SYT13: variants seen among roughly 807,000 people sequenced by gnomAD.
SYT13 encodes the protein synaptotagmin-13.
A neutral mutation model predicts 38.6 loss-of-function variants in SYT13; 21 were observed. The ratio of observed to expected loss-of-function variants is 0.54; its 90% CI spans 0.39 to 0.78. The LOEUF is 0.78. Among genes scored for constraint, SYT13 ranks in the 30% least tolerant of loss-of-function variants. The pLI, the probability that SYT13 is intolerant of heterozygous loss-of-function variation, is 0.00. For synonymous variants in SYT13, 241 were observed against 237.6 expected, an observed-to-expected ratio of 1.01 and a Z score of -0.13; for missense variants, 495 against 548.7, an observed-to-expected ratio of 0.90 and a Z score of 0.98.
chr11:45,265,496 G>A (rs1449593405), intron 1 of SYT13, among the ~76,000 whole-genome samples: 4 of 152,146 alleles, frequency 2.6e-5, no homozygotes, highest in East Asian at 1.9e-4. Context: ...GGGTAGCTTC[G>A]ACAACAAATG....
intron 1 of SYT13, 178 bp downstream of exon 1, chr11:45,285,847 T>TC: frequency 4.1e-6 from 1 of 246,168 alleles, no homozygotes. Flanking sequence ...TCCCCTAGCC[T>TC]CCCCCATCCC....
At chr11:45,257,495 T>C (rs1159169782) in intron 1 of SYT13, among the ~76,000 whole-genome samples, 1 of 152,176 alleles carries the variant, frequency 6.6e-6, no homozygotes, top group Admixed American at 6.5e-5. Flanking sequence ...TGGGTGCAGA[T>C]GGCTGGCAGC....
intron 2 of SYT13, 70 bp downstream of exon 2, chr11:45,255,596 A>T: frequency 6.8e-7 from 1 of 1,464,942 alleles, no homozygotes; most frequent in South Asian, 1.2e-5. Flanking sequence ...CACACACAGC[A>T]TCTACAGAGA....
Position 45,240,591 on chromosome 11 carries a change from T to C in SYT13, c.*3461A>G, listed in dbSNP as rs1230638252. The C allele has an allele frequency of 6.6e-6, 1 of 152,206 alleles. No individual in the cohort carries two copies. The highest frequency in any genetic ancestry group is 1.5e-5 in the Non-Finnish European group (1 of 68,038). 9.4% of individuals were successfully genotyped at this position (152,206 alleles called of 1,614,324 possible). A position where few individuals can be genotyped will look rare whatever the true frequency, so the allele number is the denominator to read the frequency against. On this transcript the variant is annotated 3_prime_UTR_variant, in exon 6 of 6. Transcript: ENST00000020926. ...TGTGCCCAGCTTTGTTTGGAGTGAT[T>C]TGTCATTCAACCCACACAAAAAGTT...
chr11:45,244,657 G>A (rs954109925), intron 5 of SYT13, among the ~76,000 whole-genome samples: 3 of 152,028 alleles, frequency 2.0e-5, no homozygotes, highest in African/African-American at 7.3e-5. Context: ...CCTTGCATTG[G>A]GGATTATTCT....
intron 1 of SYT13, among the ~76,000 whole-genome samples, chr11:45,256,123 G>A (rs943791795): frequency 3.3e-5 from 5 of 151,920 alleles, no homozygotes; most frequent in African/African-American, 4.8e-5. Flanking sequence ...TCCATCCATC[G>A]GCCCATCCAT....
intron 5 of SYT13, 114 bp from the exon 6 acceptor site, chr11:45,244,470 G>T: frequency 1.5e-6 from 2 of 1,294,006 alleles, no homozygotes; most frequent in Non-Finnish European, 2.1e-6. Flanking sequence ...ATGCTCAAGA[G>T]TTCGGACATC....
intron 1 of SYT13, among the ~76,000 whole-genome samples, chr11:45,258,090 G>A (rs149763347): frequency 1.3e-5 from 2 of 152,288 alleles, no homozygotes; most frequent in East Asian, 1.9e-4. Context: ...TTCTGACTTC[G>A]GTGGAGTGAA....
chr11:45,252,232 C>T lies in SYT13; in HGVS notation c.846+189G>A, dbSNP rs1348088401. Reference sequence around the variant, plus strand: ...AAGACTAGGAGCAGACACTAGGAATCCCAGATCCTGGGCTATGGGTCTCCT... The same window carrying T: ...AAGACTAGGAGCAGACACTAGGAATTCCAGATCCTGGGCTATGGGTCTCCT... On this transcript the variant is annotated intron_variant, in intron 4 of 5. Transcript: ENST00000020926. This position sits in a 1 kb window ranked among gnomAD's most constrained non-coding sequence, Gnocchi z 4.3. 1.3e-5 allele frequency among the ~76,000 whole-genome samples: 2 copies of T among 152,188 alleles called. No individual in the cohort carries two copies. Among genetic ancestry groups the T allele is most frequent in the Admixed American group, 6.5e-5 (1 of 15,288 alleles).
At chr11:45,244,979 G>T (rs928152332) in intron 5 of SYT13, among the ~76,000 whole-genome samples, 2 of 152,184 alleles carry the variant, frequency 1.3e-5, no homozygotes, top group Admixed American at 1.3e-4. Context: ...AATGAAGCCA[G>T]CTCCCAACTC....
At chr11:45,282,068 A>G (rs1590535445) in intron 1 of SYT13, among the ~76,000 whole-genome samples, 1 of 152,138 alleles carries the variant, frequency 6.6e-6, no homozygotes, top group Non-Finnish European at 1.5e-5. Flanking sequence ...AGAGGCAGGA[A>G]CCCATGGGTC....
chr11:45,255,741 C>G lies in SYT13; in HGVS notation c.334G>C (p.Ala112Pro). 6.2e-7 allele frequency: 1 copy of G among 1,614,138 alleles called. No individual in the cohort carries two copies. Among genetic ancestry groups the G allele is most frequent in the Middle Eastern group, 1.6e-4 (1 of 6,062 alleles). The change falls in exon 2 of 6, where the codon GCC becomes CCC. Residue 112 changes from alanine (A) to proline (P), a missense_variant. Coordinates refer to ENST00000020926, the MANE Select transcript of SYT13 (RefSeq NM_020826.3). The part of the protein sequence containing the change: ...LRSTEEPTAP[A>P]SPQPPNDSRL... ...CTGTCATTCGGGGGTTGGGGGCTGG[C>G]AGGTGCAGTGGGCTCCTCCGTAGAC...
intron 1 of SYT13, among the ~76,000 whole-genome samples, chr11:45,283,452 A>T (rs1028332067): frequency 6.6e-6 from 1 of 152,210 alleles, no homozygotes; most frequent in Non-Finnish European, 1.5e-5. Context: ...TGCCATGTAC[A>T]TCACCCTCCT....
chr11:45,252,361 G>T lies in SYT13; in HGVS notation c.846+60C>A. 1.3e-6 allele frequency: 2 copies of T among 1,495,248 alleles called. No homozygotes were observed. Among genetic ancestry groups the T allele is most frequent in the Non-Finnish European group, 1.8e-6 (2 of 1,122,500 alleles). 92.6% of individuals were successfully genotyped at this position (1,495,248 alleles called of 1,614,324 possible). ...GACTGAGTTGCTGGGAGGACACCAGGTTCTGCCATCCCATGCTGCACGGGC... is the reference window on the plus strand; with the variant it reads ...GACTGAGTTGCTGGGAGGACACCAGTTTCTGCCATCCCATGCTGCACGGGC... On this transcript the variant is annotated intron_variant, in intron 4 of 5. Transcript: ENST00000020926. The surrounding 1 kb of genome is among the most constrained non-coding windows in gnomAD (Gnocchi z 4.3).
chr11:45,254,556 G>A (rs1474143618), intron 2 of SYT13, 152 bp from the exon 3 acceptor site: 4 of 1,104,750 alleles, frequency 3.6e-6, no homozygotes, highest in Non-Finnish European at 5.0e-6. Context: ...AAGACAACAG[G>A]TGGGGTCAAT....
At chr11:45,273,554 G>A (rs761730687) in intron 1 of SYT13, among the ~76,000 whole-genome samples, 2 of 152,182 alleles carry the variant, frequency 1.3e-5, no homozygotes, top group Non-Finnish European at 2.9e-5. Flanking sequence ...GGGTTCTGGA[G>A]GCACAAGGAG....
intron 4 of SYT13, among the ~76,000 whole-genome samples, chr11:45,250,190 A>G (rs1425988376): frequency 2.0e-5 from 3 of 152,100 alleles, no homozygotes; most frequent in African/African-American, 7.2e-5. Flanking sequence ...ACTCCATGCC[A>G]CCCTCTGAGG....
rs541039157 is a variant in SYT13, at chr11:45,283,841, C to T, written c.183+2184G>A. ...TATTCATCTACAATTTCTTATTGGACACCTACTACTTTCCAGGCACTGAGA... is the reference window on the plus strand; with the variant it reads ...TATTCATCTACAATTTCTTATTGGATACCTACTACTTTCCAGGCACTGAGA... On this transcript the variant is annotated intron_variant, in intron 1 of 5. Transcript: ENST00000020926. 4.6e-5 allele frequency among the ~76,000 whole-genome samples: 7 copies of T among 152,318 alleles called. No individual in the cohort carries two copies. The South Asian group carries it at 1.5e-3, about 32-fold the overall frequency.
Position 45,246,390 on chromosome 11 carries a change from C to T in SYT13, c.969G>A (p.Leu323=), listed in dbSNP as rs149594647. The part of the protein sequence containing the change: ...NLHSNQSKEL[L]GKDVSVKVTL... ...CTCTCACATCTCACTCACCCTTCCCCAGGAGCTCCTTGGACTGGTTAGAGT... is the reference window on the plus strand; with the variant it reads ...CTCTCACATCTCACTCACCCTTCCCTAGGAGCTCCTTGGACTGGTTAGAGT... Residue 323 remains leucine, a synonymous_variant, in exon 5 of 6, where the codon CTG becomes CTA. Transcript: ENST00000020926. The T allele has an allele frequency of 5.7e-4, 925 of 1,613,840 alleles. 6 individuals carry two copies. The African/African-American group carries it at 9.4e-3, about 16-fold the overall frequency.
Sources: gnomAD v4.1 joint callset for allele counts (sites outside exome capture counted in the v4.1 genomes callset) on GRCh38, gnomAD v4.1.1 for gene constraint, Gnocchi (gnomAD v3.1) non-coding constraint, MANE v1.5 for transcripts, NCBI Gene and HGNC (gene_info 2026-07-23, HGNC 2026-07-21) for gene names.